Variants in CLSTN2 observed in about 807,000 individuals in gnomAD.
The protein encoded by CLSTN2 is calsyntenin 2, also known as calsyntenin-2.
Under a neutral mutation model 101.2 loss-of-function variants are expected in CLSTN2, and 48 were observed. The ratio of observed to expected loss-of-function variants is 0.47; its 90% CI spans 0.38 to 0.60. CLSTN2 has a LOEUF of 0.60. Ranked by LOEUF, CLSTN2 falls within the 20% of genes least tolerant of loss-of-function variation. The pLI is 0.00. For synonymous variants in CLSTN2, 481 were observed against 463.6 expected (o/e 1.04, Z -0.48); for missense variants, 1,160 against 1,238.2 (o/e 0.94, Z 0.95).
intron 8 of CLSTN2, among the ~76,000 whole-genome samples, chr3:140,467,489 G>A (rs1933736988): frequency 6.6e-6 from 1 of 152,138 alleles, no homozygotes; most frequent in African/African-American, 2.4e-5. Context: ...GAGAAAGAAT[G>A]CCAGCAGTCA....
At chr3:140,406,965 C>A (rs1409637086) in intron 4 of CLSTN2, among the ~76,000 whole-genome samples, 1 of 152,214 alleles carries the variant, frequency 6.6e-6, no homozygotes, top group Non-Finnish European at 1.5e-5. Flanking sequence ...ATTTCCCTGG[C>A]TGTCTCATTA....
intron 8 of CLSTN2, among the ~76,000 whole-genome samples, chr3:140,499,643 A>C (rs546005867): frequency 2.8e-4 from 42 of 152,160 alleles, no homozygotes; most frequent in Non-Finnish European, 4.7e-4. Flanking sequence ...TGGTGTAGGC[A>C]GGGGGTGGTA....
Position 140,109,563 on chromosome 3 carries a change from C to T in CLSTN2, c.110-66388C>T, listed in dbSNP as rs374654857. ...ATGGGCTTTTTATGAAAAGACTGCT[C>T]CTTGGTCTTTTTCAAAGCTATTTTG... On this transcript the variant is annotated intron_variant, in intron 1 of 16. Transcript: ENST00000458420. Among the ~76,000 whole-genome samples the T allele has an allele frequency of 1.1e-3, 169 of 152,254 alleles. 1 individual carries two copies. Among genetic ancestry groups the T allele is most frequent in the South Asian group, 8.3e-3 (40 of 4,820 alleles).
At chr3:140,517,355 G>C (rs1934940016) in intron 8 of CLSTN2, among the ~76,000 whole-genome samples, 1 of 152,140 alleles carries the variant, frequency 6.6e-6, no homozygotes, top group South Asian at 2.1e-4. Context: ...TCCATTGGTG[G>C]TGAGCTGGTG....
Position 139,961,482 on chromosome 3 carries a change from G to C in CLSTN2, c.109+25999G>C, listed in dbSNP as rs570085603. On this transcript the variant is annotated intron_variant, in intron 1 of 16. Transcript: ENST00000458420. ...CACTTAAGGTGTAGATAGAAGCAGAGTTTGAACAAAATATGCAACAAAGTT... is the reference window on the plus strand; with the variant it reads ...CACTTAAGGTGTAGATAGAAGCAGACTTTGAACAAAATATGCAACAAAGTT... Among the ~76,000 whole-genome samples, 121 of 152,054 alleles carry C rather than the reference G, an allele frequency of 8.0e-4. 1 individual carries two copies. The highest frequency in any genetic ancestry group is 2.9e-3 in the African/African-American group (120 of 41,474).
chr3:140,151,937 G>T (rs2009873763), intron 1 of CLSTN2, among the ~76,000 whole-genome samples: 1 of 152,102 alleles, frequency 6.6e-6, no homozygotes, highest in Non-Finnish European at 1.5e-5. Context: ...AAGAAGGGAG[G>T]AGTCTAGGTG....
chr3:140,301,428 A>C (rs1480830464), intron 2 of CLSTN2, among the ~76,000 whole-genome samples: 1 of 152,218 alleles, frequency 6.6e-6, no homozygotes, highest in East Asian at 1.9e-4. Context: ...ACTTGATTGC[A>C]AATCTCTTTA....
chr3:140,029,308 T>A (rs2007497715), intron 1 of CLSTN2, among the ~76,000 whole-genome samples: 3 of 152,208 alleles, frequency 2.0e-5, no homozygotes, highest in Non-Finnish European at 4.4e-5. Context: ...TGCCAATTCT[T>A]TTCCTACATT....
chr3:140,161,321 CT>C (rs1374299619), intron 1 of CLSTN2, among the ~76,000 whole-genome samples: 1 of 152,128 alleles, frequency 6.6e-6, no homozygotes, highest in African/African-American at 2.4e-5. Flanking sequence ...CCTTTGATGC[CT>C]TTTACAGAGA....
chr3:140,159,507 A>G (rs1240437464), intron 1 of CLSTN2, among the ~76,000 whole-genome samples: 2 of 152,180 alleles, frequency 1.3e-5, no homozygotes, highest in African/African-American at 4.8e-5. Flanking sequence ...CTATTATAAA[A>G]ACAAAAAACA....
intron 1 of CLSTN2, among the ~76,000 whole-genome samples, chr3:140,140,339 G>A (rs1275152922): frequency 6.6e-6 from 1 of 152,102 alleles, no homozygotes; most frequent in Non-Finnish European, 1.5e-5. Flanking sequence ...TGCTTCTGAC[G>A]AGGCCTCAGG....
At chr3:140,060,201 C>T (rs1376801478) in intron 1 of CLSTN2, among the ~76,000 whole-genome samples, 1 of 152,158 alleles carries the variant, frequency 6.6e-6, no homozygotes, top group Non-Finnish European at 1.5e-5. Flanking sequence ...TAGCCTGGCA[C>T]TGAGAGAATA....
chr3:140,499,928 A>C (rs1318894740), intron 8 of CLSTN2, among the ~76,000 whole-genome samples: 1 of 152,104 alleles, frequency 6.6e-6, no homozygotes. Flanking sequence ...TTAGCCGGGC[A>C]TGGTGGCGGG....
intron 10 of CLSTN2, among the ~76,000 whole-genome samples, chr3:140,554,591 T>C (rs1372633379): frequency 6.6e-6 from 1 of 152,216 alleles, no homozygotes; most frequent in Admixed American, 6.5e-5. Flanking sequence ...TCTCTAGCAA[T>C]GGAGAAGTTG....
At chr3:140,080,460 T>G (rs1426547206) in intron 1 of CLSTN2, among the ~76,000 whole-genome samples, 2 of 152,208 alleles carry the variant, frequency 1.3e-5, no homozygotes, top group East Asian at 3.9e-4. Context: ...GACCTTTCTT[T>G]GAGCGACAGT....
chr3:139,994,549 AT>A (rs1306091707), intron 1 of CLSTN2, among the ~76,000 whole-genome samples: 1 of 152,116 alleles, frequency 6.6e-6, no homozygotes, highest in African/African-American at 2.4e-5. Flanking sequence ...TGAGGTGTTA[AT>A]CCCCCTACTA....
At chr3:139,984,949 A>G (rs180696056) in intron 1 of CLSTN2, among the ~76,000 whole-genome samples, 2 of 152,304 alleles carry the variant, frequency 1.3e-5, no homozygotes, top group Non-Finnish European at 2.9e-5. Flanking sequence ...TGCTCCAGCC[A>G]AAAATGTTTT....
intron 2 of CLSTN2, among the ~76,000 whole-genome samples, chr3:140,223,897 G>A (rs1010343555): frequency 2.6e-5 from 4 of 152,084 alleles, no homozygotes; most frequent in Non-Finnish European, 5.9e-5. Flanking sequence ...CAGGTGACTC[G>A]TGTTCTTGGT....
intron 1 of CLSTN2, among the ~76,000 whole-genome samples, chr3:140,025,550 T>A (rs2007400714): frequency 6.6e-6 from 1 of 152,204 alleles, no homozygotes; most frequent in South Asian, 2.1e-4. Flanking sequence ...AATCTCCCCC[T>A]GCCTCCCAAC....
Sources: gnomAD v4.1 joint callset for allele counts (sites outside exome capture counted in the v4.1 genomes callset) on GRCh38, gnomAD v4.1.1 for gene constraint, MANE v1.5 for transcripts, NCBI Gene and HGNC (gene_info 2026-07-23, HGNC 2026-07-21) for gene names.